Variants in EYS observed in about 807,000 individuals in gnomAD.
EYS encodes the protein EGF-like photoreceptor maintenance factor.
EYS carries 250 observed loss-of-function variants against 282.1 expected under a neutral mutation model. The observed-to-expected ratio is 0.89, with a 90% CI of 0.80 to 0.98. The LOEUF is 0.98. Among genes scored for constraint, EYS ranks in the 50% least tolerant of loss-of-function variants. EYS has a pLI of 0.00. For missense variants in EYS, 4,016 were observed against 3,709.0 expected (o/e 1.08, Z -2.15); for synonymous variants, 1,355 against 1,282.9 (o/e 1.06, Z -1.20).
chr6:65,511,405 T>TA (rs1397019855), intron 2 of EYS, among the ~76,000 whole-genome samples: 1 of 151,868 alleles, frequency 6.6e-6, no homozygotes, highest in Non-Finnish European at 1.5e-5. Flanking sequence ...ATCTAAAATT[T>TA]AAATACTCAC....
At chr6:64,293,707 T>C (rs1233734818) in intron 30 of EYS, among the ~76,000 whole-genome samples, 1 of 152,152 alleles carries the variant, frequency 6.6e-6, no homozygotes, top group African/African-American at 2.4e-5. Context: ...TATTGATGCA[T>C]AGAGATGTAT....
intron 1 of EYS, among the ~76,000 whole-genome samples, chr6:65,680,128 C>G (rs149438064): frequency 6.4e-4 from 96 of 149,052 alleles, no homozygotes; most frequent in African/African-American, 2.2e-3. Context: ...AGCAAATGTT[C>G]TCAATCAATA....
chr6:64,654,728 A>T (rs1411409569), intron 22 of EYS, among the ~76,000 whole-genome samples: 2 of 152,184 alleles, frequency 1.3e-5, no homozygotes, highest in East Asian at 1.9e-4. Flanking sequence ...ATATTTTCAA[A>T]TCTGCATTTT....
At chr6:64,347,810 C>G (rs889621327) in intron 29 of EYS, among the ~76,000 whole-genome samples, 15 of 151,320 alleles carry the variant, frequency 9.9e-5, no homozygotes, top group Non-Finnish European at 1.5e-5. Context: ...GAAACTCACT[C>G]AACTGTGTCG....
chr6:64,147,158 C>T (rs974620389), intron 31 of EYS, among the ~76,000 whole-genome samples: 3 of 152,092 alleles, frequency 2.0e-5, no homozygotes, highest in African/African-American at 7.2e-5. Flanking sequence ...ACAGGATGGT[C>T]AAGTACTTTG....
intron 22 of EYS, among the ~76,000 whole-genome samples, chr6:64,791,557 T>C (rs1443401333): frequency 6.6e-6 from 1 of 151,928 alleles, no homozygotes; most frequent in Non-Finnish European, 1.5e-5. Flanking sequence ...TTAATAGCTA[T>C]TTGGACAGGA....
At chr6:64,610,198 A>G (rs1038937401) in intron 24 of EYS, among the ~76,000 whole-genome samples, 1 of 152,054 alleles carries the variant, frequency 6.6e-6, no homozygotes, top group African/African-American at 2.4e-5. Context: ...CTAAAATGTT[A>G]AGCCATTACT....
intron 22 of EYS, among the ~76,000 whole-genome samples, chr6:64,647,820 T>C (rs1389927668): frequency 6.6e-6 from 1 of 152,198 alleles, no homozygotes; most frequent in Non-Finnish European, 1.5e-5. Context: ...CGACTCCTTA[T>C]AGGTAGGAAC....
chr6:64,858,979 C>G, intron 19 of EYS, among the ~76,000 whole-genome samples: 1 of 151,742 alleles, frequency 6.6e-6, no homozygotes, highest in Non-Finnish European at 1.5e-5. Flanking sequence ...AAGATGTAGC[C>G]AGAGCAATTA....
At chr6:64,873,379 A>C (rs186432643) in intron 19 of EYS, among the ~76,000 whole-genome samples, 1 of 152,222 alleles carries the variant, frequency 6.6e-6, no homozygotes, top group East Asian at 1.9e-4. Flanking sequence ...GGGAGGGGAC[A>C]CAGCCAAATC....
intron 26 of EYS, among the ~76,000 whole-genome samples, chr6:64,488,117 C>T (rs1331692388): frequency 6.6e-6 from 1 of 150,664 alleles, no homozygotes; most frequent in African/African-American, 2.4e-5. Context: ...GTTGTTTTGA[C>T]CTATTTTCAA....
At chr6:65,531,905 A>G (rs1767783722) in intron 2 of EYS, among the ~76,000 whole-genome samples, 1 of 152,164 alleles carries the variant, frequency 6.6e-6, no homozygotes. Flanking sequence ...AACCTAATTC[A>G]CAAGATCTGG....
chr6:64,652,885 T>C (rs1582999998), intron 22 of EYS, among the ~76,000 whole-genome samples: 2 of 152,162 alleles, frequency 1.3e-5, no homozygotes, highest in South Asian at 2.1e-4. Context: ...TGTGTGTACA[T>C]ATGTGTGTGT....
At chr6:64,005,502 G>T (rs954936291) in intron 33 of EYS, among the ~76,000 whole-genome samples, 1 of 152,110 alleles carries the variant, frequency 6.6e-6, no homozygotes, top group Non-Finnish European at 1.5e-5. Context: ...TTTTGTTTCG[G>T]ATGCTATTGC....
intron 35 of EYS, among the ~76,000 whole-genome samples, chr6:63,894,337 A>T (rs887366587): frequency 6.6e-6 from 1 of 152,084 alleles, no homozygotes; most frequent in Non-Finnish European, 1.5e-5. Context: ...AGAAGAGGGA[A>T]CTTCAGACAG....
At chr6:64,831,047 T>C (rs2150028024) in intron 19 of EYS, among the ~76,000 whole-genome samples, 1 of 152,046 alleles carries the variant, frequency 6.6e-6, no homozygotes, top group Middle Eastern at 3.4e-3. Flanking sequence ...AGGCTTCTGT[T>C]ATAACTACAT....
intron 33 of EYS, among the ~76,000 whole-genome samples, chr6:64,031,914 G>A (rs990614519): frequency 6.6e-6 from 1 of 152,190 alleles, no homozygotes; most frequent in Non-Finnish European, 1.5e-5. Flanking sequence ...TGAGCCAGCA[G>A]TGGCAACCTG....
At chr6:65,629,437 A>AT (rs1766835335) in intron 2 of EYS, among the ~76,000 whole-genome samples, 1 of 152,206 alleles carries the variant, frequency 6.6e-6, no homozygotes, top group Non-Finnish European at 1.5e-5. Context: ...GACCATTTGC[A>AT]TGTCCATTGT....
chr6:64,221,142 T>G (rs1766087969), intron 31 of EYS, among the ~76,000 whole-genome samples: 1 of 152,174 alleles, frequency 6.6e-6, no homozygotes. Context: ...AATTGTACAA[T>G]GGTAAATATT....
Sources: allele counts gnomAD v4.1 joint callset (sites outside exome capture counted in the v4.1 genomes callset), GRCh38; gene constraint gnomAD v4.1.1; transcripts MANE v1.5; gene names NCBI Gene and HGNC (gene_info 2026-07-23, HGNC 2026-07-21).